The following CYP2C18 variants were observed in gnomAD, a reference collection of about 807,000 sequenced individuals.
CYP2C18 encodes the protein cytochrome P450 family 2 subfamily C member 18.
CYP2C18 carries 38 observed loss-of-function variants against 41.3 expected under a neutral mutation model. The observed-to-expected ratio is 0.92, with a 90% confidence interval of 0.71 to 1.21. The LOEUF (loss-of-function observed/expected upper bound fraction) is 1.21, where lower values mean the gene tolerates loss of function less well. Among genes scored for constraint, CYP2C18 ranks in the 50% most tolerant of loss-of-function variants. CYP2C18 has a pLI of 0.00. For synonymous variants in CYP2C18, 236 were observed against 210.0 expected, an observed-to-expected ratio of 1.12 and a Z score of -1.07; for missense variants, 635 against 591.4, an observed-to-expected ratio of 1.07 and a Z score of -0.77.
intron 3 of CYP2C18, among the ~76,000 whole-genome samples, chr10:94,693,411 C>T (rs887389780): frequency 3.9e-5 from 6 of 152,152 alleles, no homozygotes; most frequent in African/African-American, 1.4e-4. Context: ...CCTGTACAGC[C>T]TGCAGAACTA....
Position 94,687,931 on chromosome 10 carries a change from T to C in CYP2C18, c.330T>C (p.Leu110=). 1.2e-6 allele frequency: 2 copies of C among 1,613,350 alleles called. No individual in the cohort carries two copies. The highest frequency in any genetic ancestry group is 1.7e-6 in the Non-Finnish European group (2 of 1,179,552). Residue 110 remains leucine, a splice_region_variant and synonymous_variant, in exon 2 of 9, where the codon CTT becomes CTC. Coordinates refer to ENST00000285979, the MANE Select transcript of CYP2C18 (RefSeq NM_000772.3). The part of the protein sequence containing the change: ...FPVAEKVNKG[L]GILFSNGKRW... ...TGGCTGAAAAAGTTAACAAAGGACT[T>C]GGTAAATGTGCATGTATCGTGTGTA...
intron 5 of CYP2C18, among the ~76,000 whole-genome samples, chr10:94,713,018 A>G (rs544111451): frequency 1.5e-3 from 231 of 152,162 alleles, no homozygotes; most frequent in Middle Eastern, 0.01. Context: ...CTATTTGCCC[A>G]TTTCTTAATT....
intron 4 of CYP2C18, 49 bp downstream of exon 4, chr10:94,695,126 C>A (rs1455641098): frequency 4.0e-6 from 6 of 1,499,170 alleles, no homozygotes; most frequent in South Asian, 1.2e-5. Flanking sequence ...GTTATTTTAT[C>A]AGACAGTCCA....
At chr10:94,697,462 C>A (rs567868826) in intron 4 of CYP2C18, among the ~76,000 whole-genome samples, 1 of 152,278 alleles carries the variant, frequency 6.6e-6, no homozygotes, top group East Asian at 1.9e-4. Context: ...GCCTGCCCTA[C>A]AAGAGCTCCT....
At chr10:94,721,065 G>A (rs746370124) in intron 6 of CYP2C18, among the ~76,000 whole-genome samples, 2 of 151,818 alleles carry the variant, frequency 1.3e-5, no homozygotes, top group Non-Finnish European at 3.0e-5. Context: ...CCAGGCTGGA[G>A]TGCAGTGGTG....
chr10:94,687,241 A>G (rs1031034008), intron 1 of CYP2C18, among the ~76,000 whole-genome samples: 21 of 152,192 alleles, frequency 1.4e-4, no homozygotes, highest in Admixed American at 5.9e-4. Context: ...TGGGCAGTAG[A>G]ATCATTTGGG....
intron 3 of CYP2C18, among the ~76,000 whole-genome samples, chr10:94,690,504 T>C (rs1055230825): frequency 1.3e-5 from 2 of 152,190 alleles, no homozygotes; most frequent in African/African-American, 4.8e-5. Flanking sequence ...AATCTCTGAA[T>C]AGACCAATAA....
At chr10:94,722,213 G>C (rs1325181310) in intron 6 of CYP2C18, among the ~76,000 whole-genome samples, 3 of 152,104 alleles carry the variant, frequency 2.0e-5, no homozygotes, top group Admixed American at 1.3e-4. Context: ...AAATGTGCCT[G>C]AGGAATTTTA....
chr10:94,718,472 T>C (rs1847593683), intron 5 of CYP2C18, among the ~76,000 whole-genome samples: 4 of 152,180 alleles, frequency 2.6e-5, no homozygotes, highest in Admixed American at 2.6e-4. Context: ...GTACTTCTCA[T>C]ACTATGTTGA....
intron 7 of CYP2C18, among the ~76,000 whole-genome samples, chr10:94,726,087 C>T (rs907385687): frequency 1.3e-5 from 2 of 152,068 alleles, no homozygotes; most frequent in East Asian, 3.9e-4. Flanking sequence ...AGATGAGGTT[C>T]ATCTTCTTCC....
Position 94,721,952 on chromosome 10 carries a change from G to A in CYP2C18, c.961+1415G>A, listed in dbSNP as rs1847653512. Among the ~76,000 whole-genome samples, 6 of 152,224 alleles carry A rather than the reference G, an allele frequency of 3.9e-5. No homozygotes were observed. The South Asian group carries it at 1.2e-3, about 32-fold the overall frequency. On this transcript the variant is annotated intron_variant, in intron 6 of 8. Transcript: ENST00000285979. ...TTTTATGAATTTGCCTTGGTGAATA[G>A]TGCTGCAGTAAACATATGAATGCAG...
At chr10:94,726,703 T>A (rs995441113) in intron 7 of CYP2C18, among the ~76,000 whole-genome samples, 1 of 151,546 alleles carries the variant, frequency 6.6e-6, no homozygotes, top group Non-Finnish European at 1.5e-5. Context: ...CTGTAACCTC[T>A]CTGAGTTCCC....
chr10:94,715,561 A>G (rs1294117532), intron 5 of CYP2C18, among the ~76,000 whole-genome samples: 1 of 152,150 alleles, frequency 6.6e-6, no homozygotes, highest in Admixed American at 6.5e-5. Context: ...AAGCTTTTTA[A>G]TGTGCTGCTG....
rs750904086 is a variant in CYP2C18 at position 94,721,004 on chromosome 10, CTCTT to C, written c.961+485_961+488del. Among the ~76,000 whole-genome samples, 17 of 151,950 alleles carry C rather than the reference CTCTT, an allele frequency of 1.1e-4. No individual in the cohort carries two copies. In the East Asian group the frequency reaches 2.1e-3, roughly 19 times the overall value. On this transcript the variant is annotated intron_variant, in intron 6 of 8. Coordinates refer to ENST00000285979, the MANE Select transcript of CYP2C18 (RefSeq NM_000772.3). Reference sequence around the variant, plus strand: ...CAGACCACTTTGAGTAATAGATATGCTCTTTCTTTCTTTCTTTCTTTTTTTTTGA... The same window carrying C: ...CAGACCACTTTGAGTAATAGATATGCTCTTTCTTTCTTTCTTTTTTTTTGA...
intron 8 of CYP2C18, among the ~76,000 whole-genome samples, chr10:94,734,847 A>G (rs1001842705): frequency 6.6e-6 from 1 of 152,194 alleles, no homozygotes; most frequent in Non-Finnish European, 1.5e-5. Flanking sequence ...TTGAAAGTAC[A>G]CTAGGAAAAA....
At chr10:94,685,022 C>A (rs981821124) in intron 1 of CYP2C18, among the ~76,000 whole-genome samples, 5 of 127,846 alleles carry the variant, frequency 3.9e-5, no homozygotes, top group Non-Finnish European at 6.6e-5. Flanking sequence ...ATCCTTTGCC[C>A]ATTTAATTAA....
intron 1 of CYP2C18, among the ~76,000 whole-genome samples, chr10:94,685,036 A>C (rs1302454749): frequency 6.7e-6 from 1 of 148,558 alleles, no homozygotes; most frequent in African/African-American, 2.6e-5. Flanking sequence ...TAATTAATTA[A>C]TTAATTAATT....
intron 4 of CYP2C18, among the ~76,000 whole-genome samples, chr10:94,704,311 G>T (rs908023024): frequency 3.7e-4 from 56 of 150,280 alleles, no homozygotes; most frequent in African/African-American, 1.3e-3. Flanking sequence ...AGGGTGTTTT[G>T]TTGCCTGCTA....
intron 5 of CYP2C18, among the ~76,000 whole-genome samples, chr10:94,718,041 T>C (rs1847584632): frequency 6.6e-6 from 1 of 152,082 alleles, no homozygotes; most frequent in African/African-American, 2.4e-5. Context: ...TAAATTTCTT[T>C]AGATAGTATG....
Sources: gnomAD v4.1 joint callset for allele counts (sites outside exome capture counted in the v4.1 genomes callset) on GRCh38, gnomAD v4.1.1 for gene constraint, MANE v1.5 for transcripts, NCBI Gene and HGNC (gene_info 2026-07-23, HGNC 2026-07-21) for gene names.